F3: variants seen among roughly 807,000 people sequenced by gnomAD.
F3 encodes tissue factor.
In F3, 18 loss-of-function variants were observed where a neutral mutation model predicts 33.5. That is an observed-to-expected ratio of 0.54 (90% CI 0.37 to 0.80). F3 has a LOEUF of 0.80. Among genes scored for constraint, F3 ranks in the 30% least tolerant of loss-of-function variants. F3 has a pLI of 0.00. For missense variants in F3, 353 were observed against 362.1 expected, an observed-to-expected ratio of 0.97 and a Z score of 0.20; for synonymous variants, 147 against 140.7, an observed-to-expected ratio of 1.05 and a Z score of -0.32.
rs1557701937 is a variant in F3, at chr1:94,535,988, G to A, written c.389C>T (p.Pro130Leu). ...ACTCTCCAGGTAAGGTGTGAACTCT[G>A]GGGAGTTCTCATACAGAGGCTCCCC... The part of the protein sequence containing the change: ...SAGEPLYENS[P>L]EFTPYLETNL... The change falls in exon 3 of 6, where the codon CCA becomes CTA. Residue 130 changes from proline to leucine, a missense_variant. Coordinates refer to ENST00000334047, the MANE Select transcript of F3 (RefSeq NM_001993.5). The A allele has an allele frequency of 6.2e-7, 1 of 1,614,122 alleles. No individual in the cohort carries two copies.
intron 2 of F3, among the ~76,000 whole-genome samples, chr1:94,538,459 G>C (rs1435512737): frequency 1.3e-5 from 2 of 152,202 alleles, no homozygotes; most frequent in Non-Finnish European, 2.9e-5. Context: ...AGGGAAGAGG[G>C]GCAGCTGCTT....
chr1:94,541,427 G>A, intron 1 of F3, 110 bp downstream of exon 1: 1 of 846,764 alleles, frequency 1.2e-6, no homozygotes, highest in Admixed American at 4.2e-5. Flanking sequence ...TAGGCGCGGG[G>A]GACAACATGG....
chr1:94,535,280 T>G (rs1651566312), intron 3 of F3, among the ~76,000 whole-genome samples: 1 of 152,212 alleles, frequency 6.6e-6, no homozygotes, highest in South Asian at 2.1e-4. Context: ...AGAGCCACAG[T>G]TGCGGCAAAA....
At chr1:94,533,364 A>G in intron 3 of F3, 96 bp from the exon 4 acceptor site, 1 of 1,420,162 alleles carries the variant, frequency 7.0e-7, no homozygotes, top group Non-Finnish European at 9.7e-7. Context: ...ATTATCTCTC[A>G]TATAAAACAT....
chr1:94,538,798 G>T (rs962688314), intron 2 of F3, among the ~76,000 whole-genome samples: 1 of 152,286 alleles, frequency 6.6e-6, no homozygotes, highest in East Asian at 1.9e-4. Flanking sequence ...TCAGGCCGAG[G>T]CTGATGGAAA....
intron 5 of F3, among the ~76,000 whole-genome samples, chr1:94,531,880 C>G (rs1365339780): frequency 6.6e-6 from 1 of 152,188 alleles, no homozygotes; most frequent in Non-Finnish European, 1.5e-5. Flanking sequence ...GACTCTACAG[C>G]CTCTGTGGCA....
At chr1:94,535,098 G>A (rs1196300194) in intron 3 of F3, among the ~76,000 whole-genome samples, 3 of 152,048 alleles carry the variant, frequency 2.0e-5, no homozygotes, top group African/African-American at 7.2e-5. Context: ...GAGGATGGTT[G>A]GTTGGTTGTC....
At chr1:94,539,606 C>T (rs1171577578) in intron 2 of F3, among the ~76,000 whole-genome samples, 1 of 152,122 alleles carries the variant, frequency 6.6e-6, no homozygotes, top group East Asian at 1.9e-4. Context: ...AAGTCATAAC[C>T]TTTAGATTGA....
intron 2 of F3, among the ~76,000 whole-genome samples, chr1:94,537,099 T>A (rs1197835811): frequency 1.3e-5 from 2 of 152,104 alleles, no homozygotes; most frequent in African/African-American, 4.8e-5. Context: ...CCAACAAAGA[T>A]TACAGAATAA....
chr1:94,538,386 G>A (rs1400434032), intron 2 of F3, among the ~76,000 whole-genome samples: 1 of 152,204 alleles, frequency 6.6e-6, no homozygotes, highest in Non-Finnish European at 1.5e-5. Flanking sequence ...TCCAAGTAGG[G>A]GCTTCTGCAC....
At chr1:94,537,646 A>G (rs942748428) in intron 2 of F3, among the ~76,000 whole-genome samples, 4 of 152,248 alleles carry the variant, frequency 2.6e-5, no homozygotes, top group African/African-American at 4.8e-5. Context: ...ATTCACACAT[A>G]AAAGCCACAA....
chr1:94,529,293 G>C lies in F3; in HGVS notation c.*1167C>G, dbSNP rs1443223792. 6.6e-6 allele frequency: 1 copy of C among 152,442 alleles called. No individual in the cohort carries two copies. Among genetic ancestry groups the C allele is most frequent in the Non-Finnish European group, 1.5e-5 (1 of 68,002 alleles). 9.4% of individuals were successfully genotyped at this position (152,442 alleles called of 1,614,324 possible). A position where few individuals can be genotyped will look rare whatever the true frequency, so the allele number is the denominator to read the frequency against. ...ACCAAATTGTACATAAATAATAAAT[G>C]GAAGATAGAATAAGTACAACAGTAA... On this transcript the variant is annotated 3_prime_UTR_variant, in exon 6 of 6. Coordinates refer to ENST00000334047, the MANE Select transcript of F3 (RefSeq NM_001993.5).
chr1:94,539,500 C>T (rs1651706694), intron 2 of F3, among the ~76,000 whole-genome samples: 1 of 152,198 alleles, frequency 6.6e-6, no homozygotes, highest in Non-Finnish European at 1.5e-5. Context: ...ATAATTTCCA[C>T]AGCAGCTATT....
chr1:94,537,088 C>G (rs1651629666), intron 2 of F3, among the ~76,000 whole-genome samples: 1 of 152,044 alleles, frequency 6.6e-6, no homozygotes. Flanking sequence ...GTGAATCCAT[C>G]CCAACAAAGA....
chr1:94,538,448 G>C (rs1447475121), intron 2 of F3, among the ~76,000 whole-genome samples: 1 of 152,218 alleles, frequency 6.6e-6, no homozygotes, highest in Admixed American at 6.5e-5. Flanking sequence ...GAGCAGTCGG[G>C]AGGGAAGAGG....
chr1:94,540,550 A>G, intron 1 of F3, 182 bp from the exon 2 acceptor site: 1 of 538,080 alleles, frequency 1.9e-6, no homozygotes, highest in Non-Finnish European at 3.3e-6. Flanking sequence ...TAGACCTAGA[A>G]TTTCTTCATG....
chr1:94,533,769 G>T (rs994878002), intron 3 of F3, among the ~76,000 whole-genome samples: 2 of 151,952 alleles, frequency 1.3e-5, no homozygotes, highest in Admixed American at 6.6e-5. Context: ...CCTTTATGAT[G>T]ATCCACTTCC....
At position 94,533,172 on chromosome 1, in the gene F3, T is replaced by C. The variant is rs1344821722; in HGVS notation, c.509A>G (p.Asn170Ser). 2.5e-6 allele frequency: 4 copies of C among 1,614,052 alleles called. No individual in the cohort carries two copies. The highest frequency in any genetic ancestry group is 3.4e-6 in the Non-Finnish European group (4 of 1,180,006). ...AACATCCCGGAGGCTTAGGAAAGTG[T>C]TGTTCCTTCTGACTAAAGTCCGTTC... ...EDERTLVRRN[N>S]TFLSLRDVFG... The change falls in exon 4 of 6, where the codon AAC becomes AGC. Residue 170 changes from asparagine (N) to serine (S), a missense_variant. Asn to Ser is a conservative substitution (Grantham distance 46). Coordinates refer to ENST00000334047, the MANE Select transcript of F3 (RefSeq NM_001993.5).
intron 5 of F3, among the ~76,000 whole-genome samples, chr1:94,531,672 T>C (rs1424020506): frequency 6.6e-6 from 1 of 152,226 alleles, no homozygotes; most frequent in Non-Finnish European, 1.5e-5. Flanking sequence ...CTGTAAGGCA[T>C]GGATCGAGAC....
Sources: gnomAD v4.1 joint callset for allele counts (sites outside exome capture counted in the v4.1 genomes callset) on GRCh38, gnomAD v4.1.1 for gene constraint, MANE v1.5 for transcripts, NCBI Gene and HGNC (gene_info 2026-07-23, HGNC 2026-07-21) for gene names.